Variants in RUFY4 observed in about 807,000 individuals in gnomAD.
The protein encoded by RUFY4 is RUN and FYVE domain containing 4.
Under a neutral mutation model 69.0 loss-of-function variants are expected in RUFY4, and 73 were observed. The ratio of observed to expected loss-of-function variants is 1.06; its 90% CI spans 0.88 to 1.29. The LOEUF (loss-of-function observed/expected upper bound fraction) is 1.29. Among genes scored for constraint, RUFY4 ranks in the 50% most tolerant of loss-of-function variants. The probability of loss-of-function intolerance (pLI) is 0.00; values close to 1 mark genes in which losing one functional copy is unlikely to be tolerated. For synonymous variants in RUFY4, 287 were observed against 271.8 expected (o/e 1.06, Z -0.55); for missense variants, 770 against 705.6 (o/e 1.09, Z -1.03).
intron 2 of RUFY4, among the ~76,000 whole-genome samples, chr2:218,045,253 A>C (rs933271586): frequency 1.3e-5 from 2 of 152,216 alleles, no homozygotes; most frequent in Non-Finnish European, 1.5e-5. Flanking sequence ...ATCTCAGATT[A>C]GACTTTTTAA....
chr2:218,089,283 C>A (rs548498398), exon 10 of RUFY4: 4 of 1,613,898 alleles, frequency 2.5e-6, no homozygotes, highest in African/African-American at 1.3e-5. Flanking sequence ...GAGGCTCCAG[C>A]ATCTCTCTTC....
At chr2:218,054,308 A>G (rs1019521984) in intron 2 of RUFY4, among the ~76,000 whole-genome samples, 6 of 152,280 alleles carry the variant, frequency 3.9e-5, no homozygotes, top group African/African-American at 1.4e-4. Flanking sequence ...TAGTTCCAAC[A>G]CTTTGGGAGG....
intron 2 of RUFY4, among the ~76,000 whole-genome samples, chr2:218,055,938 T>C (rs1689051699): frequency 6.6e-6 from 1 of 152,222 alleles, no homozygotes; most frequent in African/African-American, 2.4e-5. Flanking sequence ...ATGCTATCAT[T>C]AAAATTTCAC....
Position 218,083,240 on chromosome 2 carries a change from GT to G in RUFY4, c.1487del (p.Val496GlyfsTer4). On this transcript the variant is annotated frameshift_variant, in exon 9 of 11. Transcript: ENST00000344321. LOFTEE classifies it high-confidence loss of function. ...CTTGGTCCAGGCCATGAAGAGGCGG[GT>G]GTTGGAACTGATCCAGTAAGGACGG... The G allele has an allele frequency of 6.2e-7, 1 of 1,607,680 alleles. No homozygotes were observed. Among genetic ancestry groups the G allele is most frequent in the Non-Finnish European group, 8.5e-7 (1 of 1,175,594 alleles).
chr2:218,073,971 C>A, intron 6 of RUFY4, 86 bp downstream of exon 8: 1 of 1,335,778 alleles, frequency 7.5e-7, no homozygotes, highest in Non-Finnish European at 1.1e-6. Context: ...GCTTCCCCCT[C>A]CGAGTGTACA....
intron 9 of RUFY4, among the ~76,000 whole-genome samples, chr2:218,085,451 C>G (rs1689871583): frequency 6.6e-6 from 1 of 152,164 alleles, no homozygotes; most frequent in Admixed American, 6.6e-5. Context: ...CCTGAAATTT[C>G]TCTAAAATGA....
chr2:218,086,316 G>A (rs1689893631), intron 9 of RUFY4, among the ~76,000 whole-genome samples: 1 of 152,156 alleles, frequency 6.6e-6, no homozygotes, highest in Non-Finnish European at 1.5e-5. Flanking sequence ...CCCCAGCTCT[G>A]ATGGACACAG....
intron 9 of RUFY4, among the ~76,000 whole-genome samples, chr2:218,086,079 A>T (rs538274052): frequency 1.3e-5 from 2 of 152,356 alleles, no homozygotes; most frequent in Admixed American, 6.5e-5. Context: ...TGGAAATTAA[A>T]AATTAAATTA....
intron 2 of RUFY4, among the ~76,000 whole-genome samples, chr2:218,050,776 T>C (rs1430670120): frequency 6.6e-6 from 1 of 152,204 alleles, no homozygotes; most frequent in African/African-American, 2.4e-5. Context: ...TGAGAGTACA[T>C]GCAATGACCA....
At chr2:218,047,664 C>T (rs758209704) in intron 2 of RUFY4, among the ~76,000 whole-genome samples, 11 of 152,044 alleles carry the variant, frequency 7.2e-5, no homozygotes, top group South Asian at 2.1e-4. Flanking sequence ...TAATATCTAG[C>T]GAAAATTAGG....
At chr2:218,090,397 A>C in exon 11 of RUFY4, 1 of 239,202 alleles carries the variant, frequency 4.2e-6, no homozygotes, top group Non-Finnish European at 8.5e-6. Flanking sequence ...TCTCCTCCAC[A>C]CTCCCCACTC....
At position 218,076,419 on chromosome 2, in the gene RUFY4, C is replaced by T; in HGVS notation, c.1249-8C>T. The T allele has an allele frequency of 1.3e-6, 2 of 1,549,318 alleles. No homozygotes were observed. The highest frequency in any genetic ancestry group is 1.7e-6 in the Non-Finnish European group (2 of 1,146,190). ...TCAGCCTCCTTCTCCCCTCCTTCCACCCCACAGAGCCTCAGACTTGGGCTC... is the reference window on the plus strand; with the variant it reads ...TCAGCCTCCTTCTCCCCTCCTTCCATCCCACAGAGCCTCAGACTTGGGCTC... On this transcript the variant is annotated splice_polypyrimidine_tract_variant and splice_region_variant and intron_variant, in intron 7 of 10. Coordinates refer to ENST00000344321, the Ensembl canonical transcript of RUFY4.
At chr2:218,074,471 C>G (rs1198466925) in intron 6 of RUFY4, among the ~76,000 whole-genome samples, 1 of 152,138 alleles carries the variant, frequency 6.6e-6, no homozygotes, top group Non-Finnish European at 1.5e-5. Flanking sequence ...CCCCCAAGCA[C>G]ATTTTGCACC....
At chr2:218,073,783 G>T (rs1689553359) in intron 5 of RUFY4, 33 bp from the exon 8 acceptor site, 1 of 1,612,732 alleles carries the variant, frequency 6.2e-7, no homozygotes. Context: ...ACTGAAGAGA[G>T]GCCCAGGGTC....
intron 2 of RUFY4, among the ~76,000 whole-genome samples, chr2:218,055,565 C>A (rs1445379372): frequency 2.0e-5 from 3 of 152,244 alleles, no homozygotes; most frequent in African/African-American, 7.2e-5. Context: ...TAGTCCAGTG[C>A]ATTGTTTTTG....
chr2:218,085,008 A>G (rs1462629020), intron 9 of RUFY4, among the ~76,000 whole-genome samples: 1 of 152,250 alleles, frequency 6.6e-6, no homozygotes. Flanking sequence ...AGATCGTGCC[A>G]CTGCACTCCA....
At position 218,060,851 on chromosome 2, in the gene RUFY4, G is replaced by A; in HGVS notation, c.-1071+2170G>A. 5 of 1,518,298 alleles carry A rather than the reference G, an allele frequency of 3.3e-6. No individual in the cohort carries two copies. In the East Asian group the frequency reaches 1.1e-4, roughly 34 times the overall value. The allele number at this position is 1,518,298 out of a possible 1,614,324, so 94.1% of individuals were successfully genotyped here. On this transcript the variant is annotated intron_variant and NMD_transcript_variant, in intron 3 of 13. Coordinates refer to the RUFY4 transcript ENST00000457754. The stretch of plus-strand genomic sequence containing the variant: ...CCTCATAGCAGACTGGGCTAACATT[G>A]GATGGGTAGAAGGTCCTTCGGAAAA...
chr2:218,050,562 C>T (rs1688921417), intron 2 of RUFY4, among the ~76,000 whole-genome samples: 2 of 152,230 alleles, frequency 1.3e-5, no homozygotes, highest in South Asian at 4.1e-4. Context: ...CCACTGAGTG[C>T]CACTCCCTCC....
intron 2 of RUFY4, among the ~76,000 whole-genome samples, chr2:218,039,055 A>T (rs1353723129): frequency 6.6e-6 from 1 of 152,162 alleles, no homozygotes. Context: ...ATCGGTGAGT[A>T]AGGAAGGGGC....
Sources: gnomAD v4.1 joint callset for allele counts (sites outside exome capture counted in the v4.1 genomes callset) on GRCh38, gnomAD v4.1.1 for gene constraint, MANE v1.5 for transcripts, NCBI Gene and HGNC (gene_info 2026-07-23, HGNC 2026-07-21) for gene names.